CRPPA: variants seen among roughly 807,000 people sequenced by gnomAD.
The protein encoded by CRPPA is D-ribitol-5-phosphate cytidylyltransferase.
A neutral mutation model predicts 52.0 loss-of-function variants in CRPPA; 43 were observed. The ratio of observed to expected loss-of-function variants is 0.83; its 90% confidence interval spans 0.65 to 1.07. The LOEUF is 1.07. CRPPA is among the 50% of genes least tolerant of loss of function. CRPPA has a pLI of 0.00. For missense variants in CRPPA, 629 were observed against 551.7 expected (o/e 1.14, Z -1.40); for synonymous variants, 250 against 203.5 (o/e 1.23, Z -1.94).
chr7:16,281,690 G>A (rs1784324192), intron 5 of CRPPA, among the ~76,000 whole-genome samples: 1 of 152,128 alleles, frequency 6.6e-6, no homozygotes, highest in Non-Finnish European at 1.5e-5. Flanking sequence ...CTTTTGAGTG[G>A]TTTTGTAGAA....
intron 9 of CRPPA, among the ~76,000 whole-genome samples, chr7:16,126,534 T>C (rs1009510714): frequency 6.6e-6 from 1 of 152,178 alleles, no homozygotes; most frequent in African/African-American, 2.4e-5. Flanking sequence ...AGTGTTGGTA[T>C]TTCAAAAAAT....
At chr7:16,306,352 T>C (rs1454695502) in intron 4 of CRPPA, among the ~76,000 whole-genome samples, 1 of 152,194 alleles carries the variant, frequency 6.6e-6, no homozygotes, top group Non-Finnish European at 1.5e-5. Context: ...CAGGTTAGCG[T>C]GCACTGATAT....
At chr7:16,166,961 T>C (rs1297476305) in intron 9 of CRPPA, among the ~76,000 whole-genome samples, 1 of 150,244 alleles carries the variant, frequency 6.7e-6, no homozygotes, top group African/African-American at 2.4e-5. Context: ...TGGAGTCTCG[T>C]GCTTTCGCCC....
intron 3 of CRPPA, among the ~76,000 whole-genome samples, chr7:16,325,601 T>G (rs138245576): frequency 8.5e-5 from 13 of 152,124 alleles, no homozygotes; most frequent in Admixed American, 1.3e-4. Context: ...GACAACCATT[T>G]GTAAATGTGC....
chr7:16,370,123 G>A (rs990567983), intron 3 of CRPPA, among the ~76,000 whole-genome samples: 6 of 152,208 alleles, frequency 3.9e-5, no homozygotes, highest in Non-Finnish European at 7.3e-5. Flanking sequence ...AAGCCCTCAG[G>A]GAAGTTAGCC....
chr7:16,182,905 T>C (rs1201013633), intron 9 of CRPPA, among the ~76,000 whole-genome samples: 5 of 152,196 alleles, frequency 3.3e-5, no homozygotes, highest in Non-Finnish European at 7.3e-5. Context: ...GCAATTAAGC[T>C]ACTTTCTGCA....
At chr7:16,271,695 C>A (rs1784092729) in intron 6 of CRPPA, among the ~76,000 whole-genome samples, 1 of 152,170 alleles carries the variant, frequency 6.6e-6, no homozygotes, top group Non-Finnish European at 1.5e-5. Flanking sequence ...CAAGAGATTT[C>A]ACTTACTGCC....
intron 5 of CRPPA, among the ~76,000 whole-genome samples, chr7:16,297,922 A>G (rs1025214738): frequency 6.6e-6 from 1 of 152,158 alleles, no homozygotes; most frequent in African/African-American, 2.4e-5. Context: ...TATACATCCT[A>G]TCTATATCTC....
intron 4 of CRPPA, among the ~76,000 whole-genome samples, chr7:16,306,734 A>C (rs1784921485): frequency 6.6e-6 from 1 of 152,176 alleles, no homozygotes; most frequent in African/African-American, 2.4e-5. Flanking sequence ...CAGGACCTTT[A>C]ATGAAACATC....
intron 3 of CRPPA, among the ~76,000 whole-genome samples, chr7:16,368,818 T>C (rs1320162742): frequency 1.3e-5 from 2 of 152,160 alleles, no homozygotes; most frequent in African/African-American, 4.8e-5. Flanking sequence ...TACACACGGA[T>C]CTTTGCCCAT....
intron 9 of CRPPA, among the ~76,000 whole-genome samples, chr7:16,191,209 T>C (rs929488399): frequency 6.6e-6 from 1 of 152,086 alleles, no homozygotes; most frequent in Non-Finnish European, 1.5e-5. Context: ...ACCAGCAATC[T>C]TACTCTCATA....
rs906803485 is a variant in CRPPA at position 16,300,754 on chromosome 7, A to G, written c.835+667T>C. Among the ~76,000 whole-genome samples, 4 of 152,346 alleles carry G rather than the reference A, an allele frequency of 2.6e-5. No individual in the cohort carries two copies. The East Asian group carries it at 7.7e-4, about 29-fold the overall frequency. On this transcript the variant is annotated intron_variant, in intron 5 of 9. Transcript: ENST00000407010. Reference sequence around the variant, plus strand: ...GCCAAGACTGAGAAAGCTGACTTAAATAACAGGCTACAAAAATACAGAAAG... The same window carrying G: ...GCCAAGACTGAGAAAGCTGACTTAAGTAACAGGCTACAAAAATACAGAAAG...
intron 9 of CRPPA, among the ~76,000 whole-genome samples, chr7:16,108,334 C>CA (rs963339334): frequency 2.9e-4 from 44 of 151,804 alleles, no homozygotes; most frequent in African/African-American, 9.6e-4. Context: ...TATACTTAGA[C>CA]AAAATAGACT....
intron 9 of CRPPA, among the ~76,000 whole-genome samples, chr7:16,171,221 TAA>T (rs1781178643): frequency 6.6e-6 from 1 of 152,238 alleles, no homozygotes; most frequent in South Asian, 2.1e-4. Flanking sequence ...AGCAAACATT[TAA>T]AATGTTTCTC....
chr7:16,366,556 C>A (rs1786593338), intron 3 of CRPPA, among the ~76,000 whole-genome samples: 1 of 152,102 alleles, frequency 6.6e-6, no homozygotes, highest in Admixed American at 6.6e-5. Flanking sequence ...AACTGCCATA[C>A]ATATGAACTG....
Position 16,397,814 on chromosome 7 carries a change from GTGAC to G in CRPPA, c.534+8243_534+8246del, listed in dbSNP as rs1228621348. On this transcript the variant is annotated intron_variant, in intron 2 of 9. Coordinates refer to ENST00000407010, the MANE Select transcript of CRPPA (RefSeq NM_001101426.4). ...GACATGATTGGCACGTGTTTAACAT[GTGAC>G]TGACGTGATCCACAAAGGATCAACA... Among the ~76,000 whole-genome samples the G allele has an allele frequency of 5.3e-5, 8 of 152,182 alleles. No individual in the cohort carries two copies. The South Asian group carries it at 1.7e-3, about 31-fold the overall frequency.
intron 2 of CRPPA, among the ~76,000 whole-genome samples, chr7:16,390,895 A>G (rs914754373): frequency 6.6e-6 from 1 of 152,158 alleles, no homozygotes; most frequent in Admixed American, 6.5e-5. Context: ...GTTAAACTCT[A>G]TATTGGTTTG....
At position 16,089,128 on chromosome 7, in the gene CRPPA, A is replaced by G; in HGVS notation, c.*2567T>C. Reference sequence around the variant, plus strand: ...AATAGTGAAGGATGTGCAGATATATATACATATAAAATACATATACATAAA... The same window carrying G: ...AATAGTGAAGGATGTGCAGATATATGTACATATAAAATACATATACATAAA... On this transcript the variant is annotated 3_prime_UTR_variant, in exon 10 of 10. Coordinates refer to ENST00000407010, the MANE Select transcript of CRPPA (RefSeq NM_001101426.4). The G allele has an allele frequency of 4.1e-6, 1 of 246,818 alleles. No homozygotes were observed. The highest frequency in any genetic ancestry group is 9.0e-6 in the Non-Finnish European group (1 of 110,926). The allele number at this position is 246,818 out of a possible 1,614,324, so 15.3% of individuals were successfully genotyped here. A position where few individuals can be genotyped will look rare whatever the true frequency, so the allele number is the denominator to read the frequency against.
chr7:16,122,171 T>C (rs979705068), intron 9 of CRPPA, among the ~76,000 whole-genome samples: 1 of 152,064 alleles, frequency 6.6e-6, no homozygotes, highest in African/African-American at 2.4e-5. Flanking sequence ...TTAGCTGTTA[T>C]ATAGAACACG....
Sources: gnomAD v4.1 joint callset for allele counts (sites outside exome capture counted in the v4.1 genomes callset) on GRCh38, gnomAD v4.1.1 for gene constraint, MANE v1.5 for transcripts, NCBI Gene and HGNC (gene_info 2026-07-23, HGNC 2026-07-21) for gene names.